Variants in VWCE observed in about 807,000 individuals in gnomAD.
VWCE encodes von Willebrand factor C and EGF domain-containing protein.
In VWCE, 68 loss-of-function variants were observed where a neutral mutation model predicts 102.9. The ratio of observed to expected loss-of-function variants is 0.66; its 90% CI spans 0.54 to 0.81. The LOEUF (loss-of-function observed/expected upper bound fraction) is 0.81, where lower values mean the gene tolerates loss of function less well. Ranked by LOEUF, VWCE falls within the 30% of genes least tolerant of loss-of-function variation. The pLI, the probability that VWCE is intolerant of heterozygous loss-of-function variation, is 0.00. For synonymous variants in VWCE, 497 were observed against 515.4 expected (o/e 0.96, Z 0.48); for missense variants, 1,137 against 1,263.6 (o/e 0.90, Z 1.52).
intron 3 of VWCE, 100 bp from the exon 4 acceptor site, chr11:61,291,027 G>A (rs1380846020): frequency 6.6e-7 from 1 of 1,509,454 alleles, no homozygotes; most frequent in Non-Finnish European, 8.9e-7. Flanking sequence ...GGGTAGCTCT[G>A]AAGGCAAACA....
chr11:61,260,322 G>A (rs1251127382), intron 19 of VWCE, among the ~76,000 whole-genome samples: 1 of 152,124 alleles, frequency 6.6e-6, no homozygotes, highest in Non-Finnish European at 1.5e-5. Flanking sequence ...TGTCCAGGCT[G>A]GAGTGCAGTG....
rs1191627393 is a variant in VWCE at position 61,259,304 on chromosome 11, A to G, written c.2239T>C (p.Ser747Pro). The G allele has an allele frequency of 1.3e-6, 2 of 1,579,828 alleles. No individual in the cohort carries two copies. Among genetic ancestry groups the G allele is most frequent in the Non-Finnish European group, 8.6e-7 (1 of 1,162,548 alleles). The change falls in exon 20 of 20, where the codon TCT becomes CCT. Residue 747 changes from serine (S) to proline (P), a missense_variant. Physicochemically the swap from Ser to Pro is moderately conservative, Grantham distance 74. This residue lies in a region of VWCE where 316 missense variants were observed against 319.3 expected (regional missense o/e 0.99). Transcript: ENST00000335613. ...DCCSSCPDSL[S>P]PLEEKQGLSP... ...AGCCCCTGCTTTTCTTCCAGAGGAG[A>G]CAGGGAATCTAGAGAGACGAGGGTG...
Position 61,281,131 on chromosome 11 carries a change from G to A in VWCE, c.892C>T (p.Pro298Ser), listed in dbSNP as rs780250692. Residue 298 changes from proline to serine, a missense_variant, in exon 8 of 20, where the codon CCA (proline) becomes TCA (serine). Physicochemically the swap from Pro to Ser is moderately conservative, Grantham distance 74. Around this residue, in one of 5 missense-constraint regions of VWCE, gnomAD observed 575 missense variants for 625.9 expected, o/e 0.92. Coordinates refer to ENST00000335613, the MANE Select transcript of VWCE (RefSeq NM_152718.2). ...GCCCCAGAAGGAGGGCTATGTCCTG[G>A]GGACAGGGCAGGCCGGCCGGCCTCA... is the stretch of plus-strand genomic sequence containing the variant. ...LPEAGRPALS[P>S]GHSPPSGAPG... is the part of the protein sequence containing the mutation. 32 of 1,613,576 alleles carry A rather than the reference G, an allele frequency of 2.0e-5. No homozygotes were observed. The highest frequency in any genetic ancestry group is 2.5e-5 in the Non-Finnish European group (30 of 1,179,896).
intron 16 of VWCE, 109 bp from the exon 17 acceptor site, chr11:61,265,321 T>C (rs1051250525): frequency 8.8e-6 from 9 of 1,018,444 alleles, no homozygotes; most frequent in Non-Finnish European, 1.1e-5. Context: ...CAATCAACAT[T>C]GTGGGAGGAG....
In VWCE at chr11:61,287,476, T is replaced by C. The variant is rs117220347; in HGVS notation, c.425-1046A>G. On this transcript the variant is annotated intron_variant, in intron 4 of 19. Coordinates refer to ENST00000335613, the MANE Select transcript of VWCE (RefSeq NM_152718.2). ...TAAATAATCAACAGAGTCATTCTCT[T>C]AAAGGTTCATAGAGCACCAACTGCG... Among the ~76,000 whole-genome samples, 514 of 152,286 alleles carry C rather than the reference T, an allele frequency of 3.4e-3. 1 individual carries two copies. The highest frequency in any genetic ancestry group is 0.014 in the Middle Eastern group (4 of 294).
Position 61,271,397 on chromosome 11 carries a change from G to A in VWCE, c.1785+278C>T, listed in dbSNP as rs1342055892. Reference sequence around the variant, plus strand: ...CCTGACCTTGTGATCCACCCACCTCGGCCTCCCAAAGTGCTGGGATTACAG... The same window carrying A: ...CCTGACCTTGTGATCCACCCACCTCAGCCTCCCAAAGTGCTGGGATTACAG... On this transcript the variant is annotated intron_variant, in intron 14 of 19. Coordinates refer to ENST00000335613, the MANE Select transcript of VWCE (RefSeq NM_152718.2). 2.5e-5 allele frequency: 8 copies of A among 318,336 alleles called. No homozygotes were observed. The East Asian group carries it at 2.8e-4, about 11-fold the overall frequency. The allele number at this position is 318,336 out of a possible 1,614,324, so 19.7% of individuals were successfully genotyped here.
rs2134718699 is a variant in VWCE, at chr11:61,258,898, T to C, written c.2645A>G (p.Gln882Arg). The change falls in exon 20 of 20, where the codon CAG becomes CGG. Residue 882 changes from glutamine (Q) to arginine (R), a missense_variant. Physicochemically the swap from Gln to Arg is conservative, Grantham distance 43. Coordinates refer to ENST00000335613, the MANE Select transcript of VWCE (RefSeq NM_152718.2). Reference protein sequence around the residue: ...PERSFSASGAQIVSRWPPLPG... With the variant: ...PERSFSASGARIVSRWPPLPG... ...CAGAGGAGGCCACCTGGACACTATC[T>C]GGGCCCCAGAGGCTGAGAACGAGCG... 1 of 1,526,080 alleles carries C rather than the reference T, an allele frequency of 6.6e-7. No individual in the cohort carries two copies. The highest frequency in any genetic ancestry group is 8.8e-7 in the Non-Finnish European group (1 of 1,139,990). 94.5% of individuals were successfully genotyped at this position (1,526,080 alleles called of 1,614,324 possible). A position where few individuals can be genotyped will look rare whatever the true frequency, so the allele number is the denominator to read the frequency against.
rs1590666300 is a variant in VWCE, at chr11:61,293,890, G to A, written c.110+1038C>T. 2.6e-5 allele frequency among the ~76,000 whole-genome samples: 4 copies of A among 152,308 alleles called. No homozygotes were observed. In the South Asian group the frequency reaches 8.3e-4, roughly 32 times the overall value. On this transcript the variant is annotated intron_variant, in intron 1 of 19. Coordinates refer to ENST00000335613, the MANE Select transcript of VWCE (RefSeq NM_152718.2). Reference sequence around the variant, plus strand: ...CTCTGAGGTCATCACAGAAGAAAGGGGGGGCCCTCCTGCTGGCGGGAGCTG... The same window carrying A: ...CTCTGAGGTCATCACAGAAGAAAGGAGGGGCCCTCCTGCTGGCGGGAGCTG...
At position 61,289,112 on chromosome 11, in the gene VWCE, A is replaced by G. The variant is rs1590658080; in HGVS notation, c.424+1687T>C. Among the ~76,000 whole-genome samples the G allele has an allele frequency of 2.0e-5, 3 of 152,216 alleles. No homozygotes were observed. In the South Asian group the frequency reaches 6.2e-4, roughly 32 times the overall value. On this transcript the variant is annotated intron_variant, in intron 4 of 19. Transcript: ENST00000335613. ...CTCGGCCTCCCAAAGTACTGAGATT[A>G]CAGCGGTGAGCCACCGTGCCCGGCC...
rs1286399666 is a variant in VWCE at position 61,264,568 on chromosome 11, C to A, written c.2149G>T (p.Val717Leu). The change falls in exon 19 of 20, where the codon GTG (valine) becomes TTG (leucine). Residue 717 changes from valine (V) to leucine (L), a missense_variant. Physicochemically the swap from Val to Leu is conservative, Grantham distance 32. Coordinates refer to ENST00000335613, the MANE Select transcript of VWCE (RefSeq NM_152718.2). ...CTRCTCQLGE[V>L]SCEKVPCQRA... is the part of the protein sequence containing the mutation. ...TGGCAGGGAACCTTCTCACAGCTCA[C>A]CTCTCCCAGCTGGGGAAGCAGAAGG... 1 of 1,609,836 alleles carries A rather than the reference C, an allele frequency of 6.2e-7. No individual in the cohort carries two copies. The highest frequency in any genetic ancestry group is 1.1e-5 in the South Asian group (1 of 89,856).
rs1324386948 is a variant in VWCE, at chr11:61,278,466, G to A, written c.1335C>T (p.His445=). ...CCCCTTCAGCTCGGACGACACCACT[G>A]TGAAAACAGCCTTTGAAGGACAAAT... ...GCCPSCTGCF[H]SGVVRAEGDV... The change falls in exon 10 of 20, where the codon CAC becomes CAT. Residue 445 remains histidine (H), a synonymous_variant. Coordinates refer to ENST00000335613, the MANE Select transcript of VWCE (RefSeq NM_152718.2). 1 of 1,614,138 alleles carries A rather than the reference G, an allele frequency of 6.2e-7. No individual in the cohort carries two copies. Among genetic ancestry groups the A allele is most frequent in the Non-Finnish European group, 8.5e-7 (1 of 1,180,004 alleles).
Position 61,272,523 on chromosome 11 carries a change from A to G in VWCE, c.1699+676T>C, listed in dbSNP as rs1008609814. 1.5e-4 allele frequency among the ~76,000 whole-genome samples: 23 copies of G among 151,906 alleles called. No homozygotes were observed. In the South Asian group the frequency reaches 1.7e-3, roughly 11 times the overall value. On this transcript the variant is annotated intron_variant, in intron 13 of 19. Transcript: ENST00000335613. ...CATACACAAAGACACATGTACACAG[A>G]CTCCCACAGATACCATTAACACACT...
intron 9 of VWCE, among the ~76,000 whole-genome samples, chr11:61,280,271 C>A (rs1187939860): frequency 2.0e-5 from 3 of 151,968 alleles, no homozygotes; most frequent in African/African-American, 7.3e-5. Context: ...TAAAGAGGCT[C>A]AATGAATGAC....
At position 61,267,552 on chromosome 11, in the gene VWCE, A is replaced by G. The variant is rs1370698828; in HGVS notation, c.1883-8T>C. ...TGCCTGTGTAGGTGCAGCCTGCCAG[A>G]GAGAGCATGCGCTGAGCACCAGCTG... On this transcript the variant is annotated splice_polypyrimidine_tract_variant and splice_region_variant and intron_variant, in intron 15 of 19. Coordinates refer to ENST00000335613, the MANE Select transcript of VWCE (RefSeq NM_152718.2). The G allele has an allele frequency of 6.2e-7, 1 of 1,613,884 alleles. No homozygotes were observed. Among genetic ancestry groups the G allele is most frequent in the African/African-American group, 1.3e-5 (1 of 74,908 alleles).
chr11:61,278,080 T>G (rs1410506860), intron 10 of VWCE, among the ~76,000 whole-genome samples: 1 of 152,206 alleles, frequency 6.6e-6, no homozygotes, highest in East Asian at 1.9e-4. Context: ...ATATTTTGCC[T>G]GGAGAGAAAA....
intron 16 of VWCE, among the ~76,000 whole-genome samples, chr11:61,266,544 T>C (rs1480952909): frequency 6.6e-6 from 1 of 151,180 alleles, no homozygotes; most frequent in African/African-American, 2.4e-5. Flanking sequence ...CAACACCCTG[T>C]CTCAAAAAAA....
At position 61,276,582 on chromosome 11, in the gene VWCE, G is replaced by C. The variant is rs542572958; in HGVS notation, c.1495+11C>G. On this transcript the variant is annotated intron_variant, in intron 11 of 19. Transcript: ENST00000335613. ...AAAAAAAAAGCAAAATGCTCCAAGA[G>C]TGTCACTTACCTGGAACACAAGTAC... 2.0e-6 allele frequency: 3 copies of C among 1,512,538 alleles called. No individual in the cohort carries two copies. The highest frequency in any genetic ancestry group is 2.1e-5 in the Admixed American group (1 of 48,110). The allele number at this position is 1,512,538 out of a possible 1,614,324, so 93.7% of individuals were successfully genotyped here.
At chr11:61,293,057 C>T (rs1855559344) in intron 1 of VWCE, among the ~76,000 whole-genome samples, 1 of 151,934 alleles carries the variant, frequency 6.6e-6, no homozygotes, top group South Asian at 2.1e-4. Context: ...GCCTGACCAA[C>T]ATGGAGAAAC....
In VWCE at chr11:61,290,795, T is replaced by TCACCTGTA; in HGVS notation, c.420_424+3dup. Reference sequence around the variant, plus strand: ...CCCTCCCCCACCACTCCCAGGCGTCTCACCTGTACACCTGATGCCAACAGC... The same window carrying TCACCTGTA: ...CCCTCCCCCACCACTCCCAGGCGTCTCACCTGTACACCTGTACACCTGATGCCAACAGC... On this transcript the variant is annotated splice_donor_region_variant and intron_variant, in intron 4 of 19. Transcript: ENST00000335613. 4.4e-6 allele frequency: 7 copies of TCACCTGTA among 1,595,380 alleles called. No individual in the cohort carries two copies. The highest frequency in any genetic ancestry group is 6.0e-6 in the Non-Finnish European group (7 of 1,168,580).
Sources: gnomAD v4.1 joint callset for allele counts (sites outside exome capture counted in the v4.1 genomes callset) on GRCh38, gnomAD v4.1.1 for gene constraint, gnomAD v4.1.1 regional missense constraint, MANE v1.5 for transcripts, NCBI Gene and HGNC (gene_info 2026-07-23, HGNC 2026-07-21) for gene names.